The following NAALADL2 variants were observed in gnomAD, a reference collection of about 807,000 sequenced individuals.
NAALADL2 encodes the protein inactive N-acetylated-alpha-linked acidic dipeptidase-like protein 2.
A neutral mutation model predicts 87.2 loss-of-function variants in NAALADL2; 76 were observed. The observed-to-expected ratio is 0.87, with a 90% CI of 0.72 to 1.05. The LOEUF (loss-of-function observed/expected upper bound fraction) is 1.05. NAALADL2 is among the 50% of genes least tolerant of loss of function. The probability of loss-of-function intolerance (pLI) is 0.00; values close to 1 mark genes in which losing one functional copy is unlikely to be tolerated. For synonymous variants in NAALADL2, 354 were observed against 331.0 expected, an observed-to-expected ratio of 1.07 and a Z score of -0.75; for missense variants, 1,089 against 945.8, an observed-to-expected ratio of 1.15 and a Z score of -1.99.
intron 9 of NAALADL2, among the ~76,000 whole-genome samples, chr3:175,527,965 G>A (rs1733634336): frequency 1.3e-5 from 2 of 152,020 alleles, no homozygotes; most frequent in African/African-American, 2.4e-5. Flanking sequence ...CACAGATTCC[G>A]AATCTTGTTG....
chr3:175,050,052 G>A (rs369380592), intron 1 of NAALADL2, among the ~76,000 whole-genome samples: 6 of 152,030 alleles, frequency 3.9e-5, no homozygotes, highest in Non-Finnish European at 7.3e-5. Context: ...AGATGTGCAC[G>A]TTAGGATAAT....
intron 2 of NAALADL2, among the ~76,000 whole-genome samples, chr3:175,132,140 C>T (rs1437319290): frequency 2.4e-5 from 3 of 126,694 alleles, no homozygotes; most frequent in East Asian, 2.6e-4. Context: ...GGGGGGCTGA[C>T]CCCCCCACCT....
chr3:174,858,650 C>G (rs940849572), upstream of NAALADL2, among the ~76,000 whole-genome samples: 1 of 151,756 alleles, frequency 6.6e-6, no homozygotes, highest in Non-Finnish European at 1.5e-5. Flanking sequence ...ATTCATTCCA[C>G]TCATCAGAAG....
At chr3:174,757,256 G>A (rs1306901640) in intron 3 of NAALADL2, among the ~76,000 whole-genome samples, 3 of 152,180 alleles carry the variant, frequency 2.0e-5, no homozygotes, top group Non-Finnish European at 4.4e-5. Context: ...ATAAAAATAT[G>A]TGAAAGATTT....
Position 175,133,528 on chromosome 3 carries a change from C to G in NAALADL2, c.545+36237C>G, listed in dbSNP as rs541949100. ...CGCAGCTAGGAGCTGGAGACCAGCC[C>G]GGTCAACACAGCGAAACCCCGTCTC... On this transcript the variant is annotated intron_variant, in intron 2 of 13. Coordinates refer to ENST00000454872, the MANE Select transcript of NAALADL2 (RefSeq NM_207015.3). Among the ~76,000 whole-genome samples the G allele has an allele frequency of 3.3e-5, 5 of 152,296 alleles. No individual in the cohort carries two copies. The South Asian group carries it at 1.0e-3, about 32-fold the overall frequency.
intron 10 of NAALADL2, among the ~76,000 whole-genome samples, chr3:175,606,761 T>A (rs1723804008): frequency 1.3e-5 from 2 of 152,146 alleles, no homozygotes; most frequent in Non-Finnish European, 2.9e-5. Context: ...CATACTTCTG[T>A]TCCTTGGTCT....
intron 12 of NAALADL2, among the ~76,000 whole-genome samples, chr3:175,739,324 AT>A (rs1744944403): frequency 6.6e-6 from 1 of 152,144 alleles, no homozygotes; most frequent in Admixed American, 6.5e-5. Flanking sequence ...AATGTGTGAG[AT>A]TTACCTCCTT....
At chr3:175,768,846 T>G in intron 13 of NAALADL2, among the ~76,000 whole-genome samples, 1 of 132,404 alleles carries the variant, frequency 7.6e-6, no homozygotes, top group Admixed American at 7.2e-5. Flanking sequence ...AATGAGACTT[T>G]GTCTCAAAAA....
intron 2 of NAALADL2, among the ~76,000 whole-genome samples, chr3:174,707,529 A>G (rs1166268367): frequency 6.6e-6 from 1 of 151,800 alleles, no homozygotes; most frequent in Non-Finnish European, 1.5e-5. Context: ...CATCATTCTC[A>G]GCAAACTATT....
At position 175,717,908 on chromosome 3, in the gene NAALADL2, C is replaced by G. The variant is rs952943087; in HGVS notation, c.1897-19398C>G. Reference sequence around the variant, plus strand: ...CACCGCAACCTTCACCTCCCGGGCTCAAGAGATTCTGTTGCCTCAGCCTCC... The same window carrying G: ...CACCGCAACCTTCACCTCCCGGGCTGAAGAGATTCTGTTGCCTCAGCCTCC... On this transcript the variant is annotated intron_variant, in intron 11 of 13. Coordinates refer to ENST00000454872, the MANE Select transcript of NAALADL2 (RefSeq NM_207015.3). 2.9e-4 allele frequency among the ~76,000 whole-genome samples: 43 copies of G among 150,050 alleles called. 1 individual carries two copies. The highest frequency in any genetic ancestry group is 1.1e-3 in the African/African-American group (43 of 40,700).
At chr3:174,798,483 T>A (rs1718409907) in intron 3 of NAALADL2, among the ~76,000 whole-genome samples, 1 of 152,146 alleles carries the variant, frequency 6.6e-6, no homozygotes, top group Non-Finnish European at 1.5e-5. Flanking sequence ...GCTTGGATAG[T>A]GATAGGAATT....
intron 13 of NAALADL2, among the ~76,000 whole-genome samples, chr3:175,780,336 A>G (rs982058867): frequency 6.6e-6 from 1 of 152,052 alleles, no homozygotes; most frequent in Admixed American, 6.6e-5. Flanking sequence ...CTGATTAAAC[A>G]CAACACACTA....
At chr3:175,800,843 T>C (rs1056062297) in intron 13 of NAALADL2, among the ~76,000 whole-genome samples, 9 of 152,148 alleles carry the variant, frequency 5.9e-5, no homozygotes, top group Non-Finnish European at 1.2e-4. Flanking sequence ...AATGAGATCA[T>C]AACATATTCT....
At chr3:175,338,176 A>G (rs1200225601) in intron 5 of NAALADL2, among the ~76,000 whole-genome samples, 1 of 152,166 alleles carries the variant, frequency 6.6e-6, no homozygotes, top group Non-Finnish European at 1.5e-5. Context: ...GAAGAGATTT[A>G]TTTTAAAAAG....
chr3:174,562,014 A>T (rs145079792), intron 2 of NAALADL2, among the ~76,000 whole-genome samples: 2,208 of 152,262 alleles, frequency 0.015, 62 homozygotes, highest in African/African-American at 0.049. Context: ...TAATCACTAT[A>T]ACTAAATTTT....
intron 2 of NAALADL2, among the ~76,000 whole-genome samples, chr3:174,733,319 G>T (rs917339058): frequency 1.3e-5 from 2 of 152,198 alleles, no homozygotes; most frequent in African/African-American, 4.8e-5. Context: ...AGATACTAGA[G>T]TTCATTTCAT....
intron 9 of NAALADL2, among the ~76,000 whole-genome samples, chr3:175,555,375 C>G (rs984546909): frequency 6.6e-6 from 1 of 152,150 alleles, no homozygotes; most frequent in Non-Finnish European, 1.5e-5. Flanking sequence ...GCATTATTTA[C>G]TAACCTCTTT....
intron 13 of NAALADL2, among the ~76,000 whole-genome samples, chr3:175,769,991 T>C (rs1375790256): frequency 6.6e-6 from 1 of 152,158 alleles, no homozygotes; most frequent in Non-Finnish European, 1.5e-5. Context: ...ATGTTTTGTT[T>C]TGAGGCCTCC....
chr3:175,598,629 G>A (rs1278940735), intron 10 of NAALADL2, among the ~76,000 whole-genome samples: 1 of 152,048 alleles, frequency 6.6e-6, no homozygotes, highest in Non-Finnish European at 1.5e-5. Context: ...AAGTATTGAA[G>A]TTTCCCCGCT....
Sources: gnomAD v4.1 joint callset for allele counts (sites outside exome capture counted in the v4.1 genomes callset) on GRCh38, gnomAD v4.1.1 for gene constraint, MANE v1.5 for transcripts, NCBI Gene and HGNC (gene_info 2026-07-23, HGNC 2026-07-21) for gene names.